Variants in HPR observed in about 807,000 individuals in gnomAD.
The protein encoded by HPR is haptoglobin-related protein, also known as Haptoglobin-related locus.
A neutral mutation model predicts 18.5 loss-of-function variants in HPR; 17 were observed. The observed-to-expected ratio is 0.92, with a 90% CI of 0.63 to 1.38. The LOEUF (loss-of-function observed/expected upper bound fraction) is 1.38, where lower values mean the gene tolerates loss of function less well. Ranked by LOEUF, HPR falls within the 40% of genes most tolerant of loss-of-function variation. The probability of loss-of-function intolerance (pLI) is 0.00; values close to 1 mark genes in which losing one functional copy is unlikely to be tolerated. For missense variants in HPR, 457 were observed against 432.4 expected (o/e 1.06, Z -0.51); for synonymous variants, 176 against 165.0 (o/e 1.07, Z -0.51).
chr16:72,073,925 G>A lies in HPR; in HGVS notation c.39G>A (p.Trp13Ter), dbSNP rs776629135. The change falls in exon 2 of 5, where the codon TGG becomes TGA. Residue 13 changes from tryptophan (W) to a stop codon, truncating the protein, a stop_gained. Transcript: ENST00000540303. LOFTEE classifies it high-confidence loss of function. Reference sequence around the variant, plus strand: ...GAGCTGTCATTTCCCTCCTGCTCTGGGGACGACAGCTTTTTGCACTGTACT... The same window carrying A: ...GAGCTGTCATTTCCCTCCTGCTCTGAGGACGACAGCTTTTTGCACTGTACT... ...DLGAVISLLL[W>*]GRQLFALYSG... The A allele has an allele frequency of 2.5e-6, 4 of 1,613,846 alleles. No homozygotes were observed. The Admixed American group carries it at 6.7e-5, about 27-fold the overall frequency.
At chr16:72,065,695 A>G (rs147150648) in intron 1 of HPR, among the ~76,000 whole-genome samples, 2 of 152,270 alleles carry the variant, frequency 1.3e-5, no homozygotes, top group African/African-American at 4.8e-5. Context: ...CCAATATGTT[A>G]ATGATAAAAG....
intron 1 of HPR, among the ~76,000 whole-genome samples, chr16:72,067,748 G>C (rs1341690001): frequency 6.6e-6 from 1 of 152,106 alleles, no homozygotes; most frequent in Admixed American, 6.6e-5. Flanking sequence ...CTTGAACCCT[G>C]TATGTCTCCT....
intron 1 of HPR, among the ~76,000 whole-genome samples, chr16:72,072,607 G>T (rs1468172108): frequency 1.3e-5 from 2 of 152,064 alleles, no homozygotes; most frequent in Non-Finnish European, 2.9e-5. Flanking sequence ...AAATGGAAGG[G>T]ATTTATGTCC....
chr16:72,074,072 A>C, intron 2 of HPR, 95 bp downstream of exon 2: 1 of 1,527,242 alleles, frequency 6.5e-7, no homozygotes. Flanking sequence ...GAGAACACAC[A>C]GTTCCCCATT....
chr16:72,074,301 C>A lies in HPR; in HGVS notation c.109C>A (p.Pro37Thr). The stretch of plus-strand genomic sequence containing the variant: ...CTTTGCAGATGACCGCTTCCCGAAG[C>A]CCCCTGAGATTGCAAATGGCTATGT... Reference protein sequence around the residue: ...TDISDDRFPKPPEIANGYVEH... With the variant: ...TDISDDRFPKTPEIANGYVEH... Residue 37 changes from proline (P) to threonine (T), a missense_variant, in exon 3 of 5, where the codon CCC becomes ACC. Coordinates refer to ENST00000540303, the MANE Select transcript of HPR (RefSeq NM_020995.4). 1 of 1,613,810 alleles carries A rather than the reference C, an allele frequency of 6.2e-7. No individual in the cohort carries two copies. The highest frequency in any genetic ancestry group is 8.5e-7 in the Non-Finnish European group (1 of 1,179,762).
chr16:72,076,883 C>G lies in HPR; in HGVS notation c.849C>G (p.Val283=). The G allele has an allele frequency of 1.9e-6, 3 of 1,614,172 alleles. No homozygotes were observed. The highest frequency in any genetic ancestry group is 2.5e-6 in the Non-Finnish European group (3 of 1,180,026). ...QPILNEHTFC[V]GMSKYQEDTC... ...TACTGAACGAACACACCTTCTGTGT[C>G]GGCATGTCTAAGTACCAGGAAGACA... The change falls in exon 5 of 5, where the codon GTC becomes GTG. Residue 283 remains valine, a synonymous_variant. Transcript: ENST00000540303.
chr16:72,073,799 T>C lies in HPR; in HGVS notation c.6-93T>C, dbSNP rs543491181. The C allele has an allele frequency of 2.5e-6, 4 of 1,601,290 alleles. No homozygotes were observed. In the East Asian group the frequency reaches 6.8e-5, roughly 27 times the overall value. ...GTATGCATGTGTGTGTGTGCGTGTG[T>C]GTGTGTGTGTACATGCCTGTGTGTG... On this transcript the variant is annotated intron_variant, in intron 1 of 4. Transcript: ENST00000540303.
chr16:72,073,981 A>C lies in HPR; in HGVS notation c.91+4A>C. Reference sequence around the variant, plus strand: ...AATGATGTCACGGATATTTCAGGTCAGTCTTTGAGTTGGGTAGGAGCATGC... The same window carrying C: ...AATGATGTCACGGATATTTCAGGTCCGTCTTTGAGTTGGGTAGGAGCATGC... On this transcript the variant is annotated splice_donor_region_variant and intron_variant, in intron 2 of 4. Coordinates refer to ENST00000540303, the MANE Select transcript of HPR (RefSeq NM_020995.4). The C allele has an allele frequency of 4.3e-6, 7 of 1,614,010 alleles. No individual in the cohort carries two copies. The highest frequency in any genetic ancestry group is 5.9e-6 in the Non-Finnish European group (7 of 1,179,976).
intron 1 of HPR, among the ~76,000 whole-genome samples, chr16:72,068,781 A>C (rs575208004): frequency 7.2e-4 from 109 of 152,254 alleles, no homozygotes; most frequent in Middle Eastern, 3.4e-3. Flanking sequence ...GATTAACAGT[A>C]AGCACACCCC....
At chr16:72,071,528 G>A (rs2041655426) in intron 1 of HPR, among the ~76,000 whole-genome samples, 1 of 152,072 alleles carries the variant, frequency 6.6e-6, no homozygotes, top group South Asian at 2.1e-4. Flanking sequence ...GTCAGCCCCC[G>A]AGGGCCATCA....
chr16:72,069,967 C>G (rs1187538976), intron 1 of HPR, among the ~76,000 whole-genome samples: 1 of 152,152 alleles, frequency 6.6e-6, no homozygotes, highest in African/African-American at 2.4e-5. Flanking sequence ...AGCACTGATT[C>G]AGACAATGGA....
rs1428691772 is a variant in HPR at position 72,076,509 on chromosome 16, A to G, written c.475A>G (p.Ile159Val). 2 of 1,614,038 alleles carry G rather than the reference A, an allele frequency of 1.2e-6. No individual in the cohort carries two copies. Among genetic ancestry groups the G allele is most frequent in the African/African-American group, 2.7e-5 (2 of 74,940 alleles). ...TTCAGAAAATGCAACAGCGAAAGACATTGCCCCTACTTTAACACTCTATGT... is the reference window on the plus strand; with the variant it reads ...TTCAGAAAATGCAACAGCGAAAGACGTTGCCCCTACTTTAACACTCTATGT... ...NHSENATAKD[I>V]APTLTLYVGK... Residue 159 changes from isoleucine to valine, a missense_variant, in exon 5 of 5, where the codon ATT becomes GTT. Transcript: ENST00000540303.
At chr16:72,075,569 C>A (rs1194285733) in intron 4 of HPR, among the ~76,000 whole-genome samples, 3 of 152,208 alleles carry the variant, frequency 2.0e-5, no homozygotes, top group Non-Finnish European at 4.4e-5. Flanking sequence ...AATCTTAATC[C>A]ATGGAAGCCT....
intron 1 of HPR, among the ~76,000 whole-genome samples, chr16:72,068,679 C>T (rs2041623045): frequency 6.6e-6 from 1 of 152,138 alleles, no homozygotes; most frequent in Admixed American, 6.5e-5. Context: ...AAATTTTGGA[C>T]CTGGTCACCT....
intron 1 of HPR, among the ~76,000 whole-genome samples, chr16:72,070,378 C>G (rs2041641693): frequency 6.6e-6 from 1 of 152,200 alleles, no homozygotes; most frequent in African/African-American, 2.4e-5. Flanking sequence ...GAGTTTCCAG[C>G]ACATTAGCGT....
At chr16:72,072,126 G>A (rs2041664103) in intron 1 of HPR, among the ~76,000 whole-genome samples, 1 of 151,740 alleles carries the variant, frequency 6.6e-6, no homozygotes, top group Non-Finnish European at 1.5e-5. Flanking sequence ...CTTCTGCCTC[G>A]GCCTCCCGAG....
Position 72,076,860 on chromosome 16 carries a change from C to A in HPR, c.826C>A (p.Leu276Met), listed in dbSNP as rs368717122. ...GAGCCCTGTAGGGGTGCAGCCCATACTGAACGAACACACCTTCTGTGTCGG... is the reference window on the plus strand; with the variant it reads ...GAGCCCTGTAGGGGTGCAGCCCATAATGAACGAACACACCTTCTGTGTCGG... Reference protein sequence around the residue: ...PKSPVGVQPILNEHTFCVGMS... With the variant: ...PKSPVGVQPIMNEHTFCVGMS... The change falls in exon 5 of 5, where the codon CTG becomes ATG. Residue 276 changes from leucine to methionine, a missense_variant. By Grantham distance (15) the Leu-to-Met change is conservative (BLOSUM62 2). Transcript: ENST00000540303. 1.7e-5 allele frequency: 28 copies of A among 1,614,134 alleles called. No homozygotes were observed. The highest frequency in any genetic ancestry group is 2.1e-5 in the Non-Finnish European group (25 of 1,180,056).
intron 1 of HPR, among the ~76,000 whole-genome samples, chr16:72,067,544 C>T (rs976735940): frequency 7.2e-5 from 11 of 152,152 alleles, no homozygotes; most frequent in Non-Finnish European, 1.0e-4. Flanking sequence ...TTACTCACCA[C>T]GGCGGATGAG....
chr16:72,073,372 C>A (rs1428334293), intron 1 of HPR, among the ~76,000 whole-genome samples: 1 of 152,110 alleles, frequency 6.6e-6, no homozygotes, highest in Non-Finnish European at 1.5e-5. Context: ...CATTTGTTTT[C>A]AACAATTATA....
Sources: allele counts gnomAD v4.1 joint callset (sites outside exome capture counted in the v4.1 genomes callset), GRCh38; gene constraint gnomAD v4.1.1; transcripts MANE v1.5; gene names NCBI Gene and HGNC (gene_info 2026-07-23, HGNC 2026-07-21).